PRH1: variants seen among roughly 807,000 people sequenced by gnomAD.
The protein encoded by PRH1 is salivary acidic proline-rich phosphoprotein 1/2.
PRH1 carries 7 observed loss-of-function variants against 7.9 expected under a neutral mutation model. The observed-to-expected ratio is 0.89, with a 90% CI of 0.50 to 1.67. PRH1 has a LOEUF of 1.67. Ranked by LOEUF, PRH1 falls within the 40% of genes most tolerant of loss-of-function variation. PRH1 has a pLI of 0.00. For synonymous variants in PRH1, 45 were observed against 80.8 expected, an observed-to-expected ratio of 0.56 and a Z score of 2.38; for missense variants, 109 against 223.6, an observed-to-expected ratio of 0.49 and a Z score of 3.27.
intron 1 of PRH1, chr12:11,091,586 C>A: frequency 3.0e-6 from 4 of 1,341,724 alleles, no homozygotes; most frequent in South Asian, 1.1e-5. Context: ...ATCTTGAGAT[C>A]CTTTACCATG....
chr12:11,001,990 T>G (rs1940617535), intron 1 of PRH1, among the ~76,000 whole-genome samples: 2 of 152,156 alleles, frequency 1.3e-5, no homozygotes. Flanking sequence ...ACACCGCAAC[T>G]AAATCTTTCC....
intron 2 of PRH1, among the ~76,000 whole-genome samples, chr12:10,939,727 A>T (rs1472945281): frequency 2.0e-5 from 3 of 152,096 alleles, no homozygotes; most frequent in African/African-American, 7.2e-5. Flanking sequence ...ACAGAACCTC[A>T]GTTAGACAAG....
intron 2 of PRH1, chr12:10,938,748 CA>C (rs755761723): frequency 1.2e-6 from 2 of 1,613,694 alleles, no homozygotes; most frequent in South Asian, 2.2e-5. Flanking sequence ...TTGATACTGG[CA>C]TTTATATGGA....
At chr12:10,936,266 A>C (rs1179015230) in intron 2 of PRH1, among the ~76,000 whole-genome samples, 1 of 152,104 alleles carries the variant, frequency 6.6e-6, no homozygotes, top group Non-Finnish European at 1.5e-5. Context: ...TCCAGTAAAC[A>C]TAAGGCCCAG....
chr12:10,927,719 T>C (rs752184792), intron 2 of PRH1, among the ~76,000 whole-genome samples: 1 of 152,222 alleles, frequency 6.6e-6, no homozygotes, highest in African/African-American at 2.4e-5. Flanking sequence ...GGGCCTTGTC[T>C]TTATGATTTT....
At chr12:10,883,165 G>A (rs368388742) in intron 1 of PRH1, 69 bp from the exon 2 acceptor site, 62 of 1,533,338 alleles carry the variant, frequency 4.0e-5, no homozygotes, top group Non-Finnish European at 4.8e-5. Flanking sequence ...AGTGTTCTAC[G>A]AGGATAAAGG....
intron 1 of PRH1, among the ~76,000 whole-genome samples, chr12:11,098,984 A>G (rs971131196): frequency 3.3e-5 from 5 of 152,166 alleles, no homozygotes; most frequent in African/African-American, 9.7e-5. Flanking sequence ...TTTATCAAAC[A>G]TATCTCTAAT....
chr12:11,089,829 C>T (rs1393169944), intron 1 of PRH1, among the ~76,000 whole-genome samples: 3 of 117,760 alleles, frequency 2.5e-5, no homozygotes, highest in African/African-American at 8.5e-5. Context: ...GATGTTCTAC[C>T]TTGTCTCCAA....
chr12:11,036,336 C>T (rs537982042), intron 1 of PRH1, among the ~76,000 whole-genome samples: 4 of 152,202 alleles, frequency 2.6e-5, no homozygotes, highest in Admixed American at 2.6e-4. Flanking sequence ...GGAAACAAAA[C>T]TGAATCTGGT....
At chr12:11,061,433 G>C (rs150894148) in intron 1 of PRH1, 1 of 1,614,040 alleles carries the variant, frequency 6.2e-7, no homozygotes, top group East Asian at 2.2e-5. Flanking sequence ...AGAAAAGTCT[G>C]CTTTAGCTTC....
At chr12:11,062,805 T>C (rs1254927583) in intron 1 of PRH1, among the ~76,000 whole-genome samples, 2 of 152,158 alleles carry the variant, frequency 1.3e-5, no homozygotes, top group African/African-American at 4.8e-5. Context: ...TGGACTTTTT[T>C]AAATGACAGA....
chr12:10,938,649 T>C, intron 2 of PRH1: 4 of 1,613,916 alleles, frequency 2.5e-6, no homozygotes, highest in Non-Finnish European at 3.4e-6. Flanking sequence ...GGTATGAAAA[T>C]GAACACAGTG....
chr12:10,969,713 T>A (rs1938703592), intron 2 of PRH1, among the ~76,000 whole-genome samples: 1 of 152,196 alleles, frequency 6.6e-6, no homozygotes. Context: ...GTAAAATTTA[T>A]CATATGTATC....
At chr12:10,991,683 C>A (rs371271137) in intron 1 of PRH1, among the ~76,000 whole-genome samples, 10 of 151,816 alleles carry the variant, frequency 6.6e-5, no homozygotes, top group African/African-American at 2.2e-4. Context: ...ATGAGATCAC[C>A]AAAAAAACCA....
intron 1 of PRH1, among the ~76,000 whole-genome samples, chr12:11,057,151 C>T (rs1196141072): frequency 6.6e-6 from 1 of 152,118 alleles, no homozygotes; most frequent in Non-Finnish European, 1.5e-5. Context: ...GAACTATAGG[C>T]ATGCAGCACC....
rs539612061 is a variant in PRH1 at position 11,140,218 on chromosome 12, T to C, written n.40-19038A>G. Among the ~76,000 whole-genome samples the C allele has an allele frequency of 5.9e-5, 9 of 152,210 alleles. No individual in the cohort carries two copies. The South Asian group carries it at 1.9e-3, about 32-fold the overall frequency. On this transcript the variant is annotated intron_variant and non_coding_transcript_variant, in intron 1 of 1. Transcript: ENST00000541175. ...GCCAAAGGACTTTGAAAAAATATAA[T>C]TGTTAACAGCACTGTAAGGGAAATT... is the stretch of plus-strand genomic sequence containing the variant.
intron 1 of PRH1, among the ~76,000 whole-genome samples, chr12:11,130,858 G>A (rs547642597): frequency 6.6e-6 from 1 of 152,306 alleles, no homozygotes; most frequent in East Asian, 1.9e-4. Flanking sequence ...AACTGTGCAA[G>A]TCATATGCTC....
chr12:11,050,894 G>T (rs866523696), upstream of PRH1, among the ~76,000 whole-genome samples: 5 of 152,260 alleles, frequency 3.3e-5, no homozygotes. Context: ...ACTGTTCCCA[G>T]AAGAAGAATG....
chr12:10,993,114 CTT>C (rs1248643687), intron 1 of PRH1, among the ~76,000 whole-genome samples: 1 of 152,222 alleles, frequency 6.6e-6, no homozygotes, highest in Non-Finnish European at 1.5e-5. Context: ...TTAGCATAAA[CTT>C]AAATCACACT....
Sources: allele counts gnomAD v4.1 joint callset (sites outside exome capture counted in the v4.1 genomes callset), GRCh38; gene constraint gnomAD v4.1.1; transcripts MANE v1.5; gene names NCBI Gene and HGNC (gene_info 2026-07-23, HGNC 2026-07-21).